CCDC197: variants seen among roughly 807,000 people sequenced by gnomAD.
CCDC197 encodes the protein uncharacterized protein CCDC197.
A neutral mutation model predicts 13.4 loss-of-function variants in CCDC197; 24 were observed. The ratio of observed to expected loss-of-function variants is 1.80; its 90% CI spans 1.30 to 2.53. CCDC197 has a LOEUF of 2.53. CCDC197 is among the 30% of genes most tolerant of loss of function. The pLI is 0.00. For synonymous variants in CCDC197, 99 were observed against 55.5 expected (o/e 1.78, Z -3.48); for missense variants, 255 against 148.8 (o/e 1.71, Z -3.71).
rs1468759061 is a variant in CCDC197, at chr14:94,001,597, G to C, written c.366+274G>C. On this transcript the variant is annotated intron_variant, in intron 4 of 6. Transcript: ENST00000636493. Reference sequence around the variant, plus strand: ...GGACTGGAGCTCGGCTCCCAGCTCAGCCACTGACTAGCTGTGTGACTAGTT... The same window carrying C: ...GGACTGGAGCTCGGCTCCCAGCTCACCCACTGACTAGCTGTGTGACTAGTT... The C allele has an allele frequency of 1.2e-5, 4 of 336,444 alleles. No homozygotes were observed. In the Admixed American group the frequency reaches 1.5e-4, roughly 12 times the overall value. 20.8% of individuals were successfully genotyped at this position (336,444 alleles called of 1,614,324 possible). A position where few individuals can be genotyped will look rare whatever the true frequency, so the allele number is the denominator to read the frequency against.
chr14:94,003,448 C>T lies in CCDC197; in HGVS notation c.498+94C>T, dbSNP rs75333263. On this transcript the variant is annotated intron_variant, in intron 5 of 6. Transcript: ENST00000636493. The surrounding 1 kb of genome is among the most constrained non-coding windows in gnomAD (Gnocchi z 5.0). ...CAATCCCAAAACACACAGACACATA[C>T]GCACGCAGACACACACACACAGAGC... 42,559 of 644,096 alleles carry T rather than the reference C, an allele frequency of 0.066. 2,153 individuals carry two copies. The highest frequency in any genetic ancestry group is 0.2 in the African/African-American group (11,410 of 56,056). 39.9% of individuals were successfully genotyped at this position (644,096 alleles called of 1,614,324 possible). A position where few individuals can be genotyped will look rare whatever the true frequency, so the allele number is the denominator to read the frequency against.
chr14:93,995,393 G>A (rs1890262589), upstream of CCDC197, among the ~76,000 whole-genome samples: 1 of 152,166 alleles, frequency 6.6e-6, no homozygotes, highest in Admixed American at 6.5e-5. Context: ...AGGGAAACAA[G>A]GCCCCTACAG....
At chr14:93,999,312 A>C in intron 2 of CCDC197, 1 of 414,294 alleles carries the variant, frequency 2.4e-6, no homozygotes. Flanking sequence ...CTGGCCAGAA[A>C]GGCTCAGCCT....
In CCDC197 at chr14:93,998,169, G is replaced by T; in HGVS notation, c.38G>T (p.Ser13Ile). 1.3e-6 allele frequency: 1 copy of T among 780,814 alleles called. No individual in the cohort carries two copies. Among genetic ancestry groups the T allele is most frequent in the Non-Finnish European group, 2.4e-6 (1 of 418,124 alleles). 48.4% of individuals were successfully genotyped at this position (780,814 alleles called of 1,614,324 possible). ...AMDTGQRADPSNPGDKEGDLQ... is the reference protein window; with the variant it reads ...AMDTGQRADPINPGDKEGDLQ... The stretch of plus-strand genomic sequence containing the variant: ...GACACAGGCCAGAGAGCTGACCCAA[G>T]CAATCCTGGTGACAAGGAAGGGGAC... Residue 13 changes from serine (S) to isoleucine (I), a missense_variant, in exon 2 of 7, where the codon AGC (serine) becomes ATC (isoleucine). Coordinates refer to ENST00000636493, the MANE Select transcript of CCDC197 (RefSeq NM_001351596.2).
At chr14:93,994,007 A>G (rs963533564), upstream of CCDC197, among the ~76,000 whole-genome samples, 6 of 152,018 alleles carry the variant, frequency 3.9e-5, no homozygotes, top group Non-Finnish European at 8.8e-5. Flanking sequence ...TAATTAGGGA[A>G]GGGTGGGGTC....
At position 94,003,256 on chromosome 14, in the gene CCDC197, A is replaced by G. The variant is rs1890583025; in HGVS notation, c.400A>G (p.Lys134Glu). The change falls in exon 5 of 7, where the codon AAG becomes GAG. Residue 134 changes from lysine to glutamate, a missense_variant. By Grantham distance (56) the Lys-to-Glu change is moderately conservative. Transcript: ENST00000636493. This position sits in a 1 kb window ranked among gnomAD's most constrained non-coding sequence, Gnocchi z 5.0. ...LKIRLCQLQK[K>E]CYRKQEQWWQ... ...GATCCGGCTGTGTCAGCTGCAGAAG[A>G]AGTGCTACCGCAAGCAGGAGCAGTG... is the stretch of plus-strand genomic sequence containing the variant. The G allele has an allele frequency of 1.3e-6, 1 of 780,868 alleles. No individual in the cohort carries two copies. The highest frequency in any genetic ancestry group is 1.7e-5 in the African/African-American group (1 of 59,132). The allele number at this position is 780,868 out of a possible 1,614,324, so 48.4% of individuals were successfully genotyped here. A position where few individuals can be genotyped will look rare whatever the true frequency, so the allele number is the denominator to read the frequency against.
At chr14:94,000,040 T>A (rs772392140) in intron 3 of CCDC197, among the ~76,000 whole-genome samples, 8 of 152,194 alleles carry the variant, frequency 5.3e-5, no homozygotes, top group Non-Finnish European at 7.3e-5. Flanking sequence ...ATTTTGTTTG[T>A]CTTTGGTTTT....
chr14:93,999,520 T>C (rs1234709142), intron 2 of CCDC197, 63 bp from the exon 3 acceptor site: 3 of 774,268 alleles, frequency 3.9e-6, no homozygotes, highest in Admixed American at 1.7e-5. Flanking sequence ...TCCAGGTTCA[T>C]TCACAGGGGG....
intron 1 of CCDC197, among the ~76,000 whole-genome samples, chr14:93,992,226 C>A (rs758159330): frequency 6.6e-6 from 1 of 152,076 alleles, no homozygotes; most frequent in African/African-American, 2.4e-5. Context: ...GAGAGTGGCC[C>A]GCAGGGGACA....
intron 4 of CCDC197, among the ~76,000 whole-genome samples, chr14:94,002,425 A>AT (rs1443896444): frequency 1.3e-5 from 2 of 151,986 alleles, no homozygotes; most frequent in East Asian, 3.9e-4. Context: ...AGTAGCTGGG[A>AT]TTACAGGCGT....
chr14:93,995,742 A>G (rs1890278664), upstream of CCDC197, among the ~76,000 whole-genome samples: 1 of 151,952 alleles, frequency 6.6e-6, no homozygotes, highest in East Asian at 1.9e-4. Flanking sequence ...TGCCGCATGG[A>G]TCTCCAGGGC....
intron 3 of CCDC197, among the ~76,000 whole-genome samples, chr14:94,000,569 G>T (rs532032208): frequency 8.3e-4 from 126 of 152,222 alleles, no homozygotes; most frequent in African/African-American, 3.0e-3. Flanking sequence ...GGGCTGCGAG[G>T]TGGGTTTAGG....
chr14:93,997,200 C>T (rs1474979299), upstream of CCDC197: 1 of 152,230 alleles, frequency 6.6e-6, no homozygotes, highest in Non-Finnish European at 1.5e-5. Flanking sequence ...GCCCTCCACC[C>T]ACAGGTGGAT....
At chr14:93,988,837 T>C (rs1427023898) in intron 1 of CCDC197, among the ~76,000 whole-genome samples, 2 of 65,998 alleles carry the variant, frequency 3.0e-5, no homozygotes, top group Non-Finnish European at 5.9e-5. Context: ...GGAGAGGGCA[T>C]GGGAGGAGGG....
In CCDC197 at chr14:94,003,113, G is replaced by A; in HGVS notation, c.367-110G>A. ...CTTGAATGGCCCCAGCCACCCACAA[G>A]TATTCCTTCCTCCTATCCTGTCATT... On this transcript the variant is annotated intron_variant, in intron 4 of 6. Transcript: ENST00000636493. The surrounding 1 kb of genome is among the most constrained non-coding windows in gnomAD (Gnocchi z 5.0). 1 of 645,666 alleles carries A rather than the reference G, an allele frequency of 1.5e-6. No homozygotes were observed. The highest frequency in any genetic ancestry group is 2.8e-6 in the Non-Finnish European group (1 of 355,294). The allele number at this position is 645,666 out of a possible 1,614,324, so 40.0% of individuals were successfully genotyped here.
At chr14:94,008,498 T>C (rs1890746819) in intron 6 of CCDC197, 111 bp from the exon 7 acceptor site, 1 of 641,134 alleles carries the variant, frequency 1.6e-6, no homozygotes, top group East Asian at 2.7e-5. Context: ...TGCAGGGCGC[T>C]TGTGAGAGTT....
downstream of CCDC197, among the ~76,000 whole-genome samples, chr14:94,010,359 A>G (rs923117831): frequency 5.3e-5 from 8 of 152,150 alleles, 1 homozygote; most frequent in Admixed American, 5.2e-4. Context: ...GCGTGCCACC[A>G]TGCCTGGCTA....
intron 3 of CCDC197, 102 bp from the exon 4 acceptor site, chr14:94,001,043 C>T (rs562495657): frequency 1.9e-5 from 12 of 639,644 alleles, no homozygotes; most frequent in Admixed American, 1.4e-4. Context: ...GACTGTCTGG[C>T]ACCTCTCAAT....
At chr14:94,004,746 G>C (rs1338820902) in intron 5 of CCDC197, 109 bp from the exon 6 acceptor site, 1 of 627,854 alleles carries the variant, frequency 1.6e-6, no homozygotes, top group Non-Finnish European at 2.9e-6. Context: ...GACACTCCCA[G>C]TGTCCCAGCT....
Sources: allele counts gnomAD v4.1 joint callset (sites outside exome capture counted in the v4.1 genomes callset), GRCh38; gene constraint gnomAD v4.1.1; non-coding constraint Gnocchi (gnomAD v3.1); transcripts MANE v1.5; gene names NCBI Gene and HGNC (gene_info 2026-07-23, HGNC 2026-07-21).